Variants in TEF observed in about 807,000 individuals in gnomAD.
TEF encodes thyrotroph embryonic factor.
TEF carries 3 observed loss-of-function variants against 20.8 expected under a neutral mutation model. That is an observed-to-expected ratio of 0.14 (90% CI 0.07 to 0.37). The LOEUF (loss-of-function observed/expected upper bound fraction) is 0.37. Ranked by LOEUF, TEF falls within the 10% of genes least tolerant of loss-of-function variation. The probability of loss-of-function intolerance (pLI) is 1.00; values close to 1 mark genes in which losing one functional copy is unlikely to be tolerated. For synonymous variants in TEF, 180 were observed against 171.1 expected (o/e 1.05, Z -0.41); for missense variants, 296 against 397.9 (o/e 0.74, Z 2.18).
intron 1 of TEF, among the ~76,000 whole-genome samples, chr22:41,370,449 G>T (rs2036871078): frequency 1.8e-5 from 2 of 114,076 alleles, no homozygotes. Flanking sequence ...GTCTCACTCT[G>T]TTGCCCAGGC....
upstream of TEF, among the ~76,000 whole-genome samples, chr22:41,378,641 G>C (rs979635544): frequency 1.3e-5 from 2 of 151,882 alleles, no homozygotes; most frequent in African/African-American, 4.8e-5. Flanking sequence ...ACTGTGCCCG[G>C]CTATATTCTT....
upstream of TEF, among the ~76,000 whole-genome samples, chr22:41,378,100 A>T (rs188841893): frequency 3.6e-4 from 54 of 150,882 alleles, no homozygotes; most frequent in East Asian, 1.6e-3. Context: ...TATAGGTATG[A>T]TTCTAAGCCA....
At chr22:41,373,103 T>C (rs1187156001) in intron 1 of TEF, among the ~76,000 whole-genome samples, 1 of 152,162 alleles carries the variant, frequency 6.6e-6, no homozygotes, top group Non-Finnish European at 1.5e-5. Flanking sequence ...CTTGGGGAAG[T>C]GGCTGGTGGG....
upstream of TEF, among the ~76,000 whole-genome samples, chr22:41,379,135 G>A (rs1209780702): frequency 1.3e-5 from 2 of 152,002 alleles, no homozygotes; most frequent in Admixed American, 6.6e-5. Context: ...TCAGGAGTTC[G>A]AGACCAGCCT....
chr22:41,371,061 C>T (rs2036877414), intron 1 of TEF, among the ~76,000 whole-genome samples: 1 of 152,256 alleles, frequency 6.6e-6, no homozygotes, highest in Non-Finnish European at 1.5e-5. Context: ...TGTCTTCACT[C>T]CCAACCTGTC....
rs560692021 is a variant in TEF, at chr22:41,397,256, C to T, written c.*1296C>T. ...TGAGGCTGGCCATGCTGTGGCTTCT[C>T]ACAGCTGTGGTCTCCCCTGCCTCAC... On this transcript the variant is annotated 3_prime_UTR_variant, in exon 4 of 4. Transcript: ENST00000266304. 1.3e-5 allele frequency: 5 copies of T among 397,610 alleles called. No individual in the cohort carries two copies. The highest frequency in any genetic ancestry group is 3.6e-5 in the East Asian group (1 of 28,044). The allele number at this position is 397,610 out of a possible 1,614,324, so 24.6% of individuals were successfully genotyped here. A position where few individuals can be genotyped will look rare whatever the true frequency, so the allele number is the denominator to read the frequency against.
intron 1 of TEF, among the ~76,000 whole-genome samples, chr22:41,375,476 C>G (rs562370787): frequency 6.6e-6 from 1 of 152,068 alleles, no homozygotes; most frequent in Middle Eastern, 3.2e-3. Context: ...TGCGGCCGGG[C>G]GTGGTGGCAC....
intron 1 of TEF, among the ~76,000 whole-genome samples, chr22:41,385,089 C>T (rs1277179774): frequency 1.3e-5 from 2 of 152,144 alleles, no homozygotes; most frequent in Admixed American, 1.3e-4. Flanking sequence ...TCTGGCCAGG[C>T]CCTGTGGCTT....
At position 41,388,029 on chromosome 22, in the gene TEF, G is replaced by A. The variant is rs144860257; in HGVS notation, c.475+361G>A. On this transcript the variant is annotated intron_variant, in intron 2 of 3. Transcript: ENST00000266304. Reference sequence around the variant, plus strand: ...TTTTTTTTTTTTGAGAAGGAGTCTCGCTCTGTTGCCCAGGCTGGAGTGCAG... The same window carrying A: ...TTTTTTTTTTTTGAGAAGGAGTCTCACTCTGTTGCCCAGGCTGGAGTGCAG... 4.5e-3 allele frequency among the ~76,000 whole-genome samples: 494 copies of A among 111,006 alleles called. 1 individual carries two copies. Among genetic ancestry groups the A allele is most frequent in the African/African-American group, 0.017 (479 of 28,472 alleles). The allele number at this position is 111,006 out of a possible 152,430, so 72.8% of individuals were successfully genotyped here. A position where few individuals can be genotyped will look rare whatever the true frequency, so the allele number is the denominator to read the frequency against.
At chr22:41,383,204 C>T (rs1474676799) in intron 1 of TEF, among the ~76,000 whole-genome samples, 1 of 152,108 alleles carries the variant, frequency 6.6e-6, no homozygotes, top group Non-Finnish European at 1.5e-5. Context: ...ATTTCTCTTC[C>T]TTTCCTGGGT....
intron 1 of TEF, among the ~76,000 whole-genome samples, chr22:41,386,246 C>G (rs887687708): frequency 5.2e-4 from 79 of 152,300 alleles, no homozygotes; most frequent in African/African-American, 1.9e-3. Flanking sequence ...CGAAACCAGT[C>G]TGGCCAACAT....
In TEF at chr22:41,396,125, C is replaced by A; in HGVS notation, c.*165C>A. On this transcript the variant is annotated 3_prime_UTR_variant, in exon 4 of 4. Transcript: ENST00000266304. ...CTCAGCTTCATTATACCATGGCCTG[C>A]GCACGTGGCGACGTCCCTGAGGGGC... 1.4e-6 allele frequency: 1 copy of A among 718,002 alleles called. No homozygotes were observed. Among genetic ancestry groups the A allele is most frequent in the Non-Finnish European group, 2.2e-6 (1 of 445,606 alleles). The allele number at this position is 718,002 out of a possible 1,614,324, so 44.5% of individuals were successfully genotyped here.
chr22:41,396,278 G>A lies in TEF; in HGVS notation c.*318G>A, dbSNP rs8136493. The A allele has an allele frequency of 0.011, 3,349 of 293,944 alleles. 92 individuals carry two copies. Among genetic ancestry groups the A allele is most frequent in the African/African-American group, 0.06 (2,793 of 46,888 alleles). 18.2% of individuals were successfully genotyped at this position (293,944 alleles called of 1,614,324 possible). A position where few individuals can be genotyped will look rare whatever the true frequency, so the allele number is the denominator to read the frequency against. ...TGGAGTACACACCTCTCTCCTGGGC[G>A]CTCAGGGTCCCTGGACTCTCCCTCA... On this transcript the variant is annotated 3_prime_UTR_variant, in exon 4 of 4. Transcript: ENST00000266304.
intron 1 of TEF, among the ~76,000 whole-genome samples, chr22:41,383,567 G>T (rs2037061216): frequency 6.6e-6 from 1 of 152,208 alleles, no homozygotes. Context: ...GAGGCTCAGG[G>T]AGGTGAGGGT....
chr22:41,392,959 C>T (rs1043077090), intron 2 of TEF, among the ~76,000 whole-genome samples: 7 of 151,864 alleles, frequency 4.6e-5, no homozygotes, highest in East Asian at 3.9e-4. Flanking sequence ...CGGTTGAACC[C>T]GGGAAGTGGA....
At chr22:41,381,740 C>G (rs969719372), upstream of TEF, among the ~76,000 whole-genome samples, 8 of 150,886 alleles carry the variant, frequency 5.3e-5, no homozygotes, top group African/African-American at 1.9e-4. Flanking sequence ...GGGTCCTCAC[C>G]TGGCCCCGCA....
intron 2 of TEF, among the ~76,000 whole-genome samples, chr22:41,389,007 T>C (rs568001929): frequency 1.3e-5 from 2 of 152,270 alleles, no homozygotes; most frequent in South Asian, 4.1e-4. Flanking sequence ...ATCTAAAATA[T>C]AAGGGTTCTT....
chr22:41,378,859 TCTCA>T (rs1270072542), upstream of TEF, among the ~76,000 whole-genome samples: 3 of 152,222 alleles, frequency 2.0e-5, no homozygotes, highest in Non-Finnish European at 2.9e-5. Flanking sequence ...CACACAGAAT[TCTCA>T]CTAACAATTC....
At chr22:41,375,889 C>G (rs1263319219) in intron 1 of TEF, among the ~76,000 whole-genome samples, 1 of 151,932 alleles carries the variant, frequency 6.6e-6, no homozygotes, top group African/African-American at 2.4e-5. Flanking sequence ...GGGTTATTAC[C>G]CTGAACAAAG....
Sources: allele counts gnomAD v4.1 joint callset (sites outside exome capture counted in the v4.1 genomes callset), GRCh38; gene constraint gnomAD v4.1.1; transcripts MANE v1.5; gene names NCBI Gene and HGNC (gene_info 2026-07-23, HGNC 2026-07-21).